Variants in CPEB3 observed in about 807,000 individuals in gnomAD.
The protein encoded by CPEB3 is cytoplasmic polyadenylation element-binding protein 3.
In CPEB3, 20 loss-of-function variants were observed where a neutral mutation model predicts 67.2. That is an observed-to-expected ratio of 0.30 (90% CI 0.21 to 0.43). The LOEUF (loss-of-function observed/expected upper bound fraction) is 0.43. Ranked by LOEUF, CPEB3 falls within the 20% of genes least tolerant of loss-of-function variation. CPEB3 has a pLI of 1.00. For missense variants in CPEB3, 746 were observed against 968.6 expected (o/e 0.77, Z 3.05); for synonymous variants, 376 against 393.1 (o/e 0.96, Z 0.51).
At chr10:92,221,837 G>C (rs1170750064) in intron 2 of CPEB3, among the ~76,000 whole-genome samples, 2 of 152,170 alleles carry the variant, frequency 1.3e-5, no homozygotes, top group Non-Finnish European at 2.9e-5. Context: ...GAGAGAGAGA[G>C]AGAGACATTG....
rs550376080 is a variant in CPEB3 at position 92,071,649 on chromosome 10, C to T, written c.1869+9671G>A. ...ACTCGGGAGGCTGAGGCAAGAGAAT[C>T]GCTTGAACCCAGGCAGCAGAGGTTG... On this transcript the variant is annotated intron_variant, in intron 9 of 9. Coordinates refer to ENST00000265997, the MANE Select transcript of CPEB3 (RefSeq NM_014912.5). 3.3e-5 allele frequency among the ~76,000 whole-genome samples: 5 copies of T among 151,858 alleles called. No individual in the cohort carries two copies. The East Asian group carries it at 5.8e-4, about 18-fold the overall frequency.
At chr10:92,065,648 C>T (rs1290906502) in intron 9 of CPEB3, among the ~76,000 whole-genome samples, 1 of 152,130 alleles carries the variant, frequency 6.6e-6, no homozygotes, top group Admixed American at 6.5e-5. Flanking sequence ...TCTAAGGGAA[C>T]ATAGCACCTC....
intron 1 of CPEB3, among the ~76,000 whole-genome samples, chr10:92,289,907 AGT>A (rs1842762367): frequency 9.2e-6 from 1 of 108,570 alleles, no homozygotes; most frequent in African/African-American, 3.7e-5. Flanking sequence ...CCCTAGGAGG[AGT>A]GTGTGTGTAT....
intron 3 of CPEB3, among the ~76,000 whole-genome samples, chr10:92,188,458 A>T (rs919139529): frequency 2.6e-5 from 4 of 152,006 alleles, no homozygotes; most frequent in African/African-American, 9.7e-5. Context: ...GCAGTGGCTC[A>T]TGCCTGTAAT....
At chr10:92,156,705 A>T (rs1040981804) in intron 4 of CPEB3, among the ~76,000 whole-genome samples, 6 of 152,212 alleles carry the variant, frequency 3.9e-5, no homozygotes, top group African/African-American at 9.6e-5. Context: ...TAACTTTTTT[A>T]AATTTAAAAA....
intron 7 of CPEB3, among the ~76,000 whole-genome samples, chr10:92,093,431 C>CTTATA (rs1843706827): frequency 9.9e-5 from 15 of 152,118 alleles, no homozygotes; most frequent in Non-Finnish European, 2.1e-4. Context: ...AAAGGTAGCA[C>CTTATA]CTGTGGCAAT....
chr10:92,146,113 G>A (rs923166323), intron 4 of CPEB3, among the ~76,000 whole-genome samples: 5 of 151,840 alleles, frequency 3.3e-5, no homozygotes, highest in African/African-American at 4.8e-5. Flanking sequence ...AAAAATATAC[G>A]AAAAGAAATG....
intron 4 of CPEB3, among the ~76,000 whole-genome samples, chr10:92,173,408 A>G (rs1423638357): frequency 6.6e-6 from 1 of 152,194 alleles, no homozygotes; most frequent in Non-Finnish European, 1.5e-5. Context: ...CTTATTGACA[A>G]TATTCAATAT....
At position 92,051,027 on chromosome 10, in the gene CPEB3, A is replaced by T. The variant is rs1841880263; in HGVS notation, c.*1185T>A. 6.6e-6 allele frequency: 1 copy of T among 152,630 alleles called. No individual in the cohort carries two copies. Among genetic ancestry groups the T allele is most frequent in the African/African-American group, 2.4e-5 (1 of 41,436 alleles). 9.5% of individuals were successfully genotyped at this position (152,630 alleles called of 1,614,324 possible). A position where few individuals can be genotyped will look rare whatever the true frequency, so the allele number is the denominator to read the frequency against. On this transcript the variant is annotated 3_prime_UTR_variant, in exon 10 of 10. Transcript: ENST00000265997. ...CATAATCACTTTACTATATAAAATA[A>T]ATTTCACAATATATAACAGAGCACC...
chr10:92,127,538 G>A (rs1209479189), intron 6 of CPEB3, among the ~76,000 whole-genome samples: 1 of 152,104 alleles, frequency 6.6e-6, no homozygotes, highest in Non-Finnish European at 1.5e-5. Flanking sequence ...AATCAGCCAG[G>A]TGTGGTAGCA....
At chr10:92,072,811 C>T (rs1450850571) in intron 9 of CPEB3, among the ~76,000 whole-genome samples, 1 of 152,136 alleles carries the variant, frequency 6.6e-6, no homozygotes, top group African/African-American at 2.4e-5. Context: ...TCTAGGGAGC[C>T]TCTGTTACGC....
intron 6 of CPEB3, among the ~76,000 whole-genome samples, chr10:92,115,738 T>G (rs980160426): frequency 6.6e-6 from 1 of 152,228 alleles, no homozygotes; most frequent in African/African-American, 2.4e-5. Flanking sequence ...TGTTGCGTAA[T>G]TTATACTGAT....
intron 3 of CPEB3, among the ~76,000 whole-genome samples, chr10:92,191,067 A>C (rs1439447809): frequency 1.3e-5 from 2 of 152,152 alleles, no homozygotes; most frequent in Non-Finnish European, 2.9e-5. Context: ...TTGTTCTTCT[A>C]ATTTTCTCCA....
At chr10:92,053,266 T>C (rs1590036420) in intron 9 of CPEB3, among the ~76,000 whole-genome samples, 1 of 152,258 alleles carries the variant, frequency 6.6e-6, no homozygotes, top group South Asian at 2.1e-4. Flanking sequence ...CAAAGCTGCA[T>C]GACTGAAAAC....
At chr10:92,061,345 G>A (rs1207667940) in intron 9 of CPEB3, among the ~76,000 whole-genome samples, 30 of 151,402 alleles carry the variant, frequency 2.0e-4, no homozygotes, top group Admixed American at 6.6e-5. Flanking sequence ...CTTGAACCCG[G>A]GAGGTGGAGG....
intron 1 of CPEB3, among the ~76,000 whole-genome samples, chr10:92,285,024 C>T (rs558043390): frequency 6.6e-6 from 1 of 152,232 alleles, no homozygotes; most frequent in Admixed American, 6.5e-5. Context: ...GATCAAGGGG[C>T]ATAAACTGGT....
At chr10:92,175,932 A>G (rs534059743) in intron 4 of CPEB3, among the ~76,000 whole-genome samples, 5 of 152,194 alleles carry the variant, frequency 3.3e-5, no homozygotes, top group Non-Finnish European at 5.9e-5. Flanking sequence ...TCTACTAAAA[A>G]TACAAAAAAT....
intron 3 of CPEB3, among the ~76,000 whole-genome samples, chr10:92,189,006 T>C (rs1848831059): frequency 6.6e-6 from 1 of 152,206 alleles, no homozygotes; most frequent in Non-Finnish European, 1.5e-5. Context: ...CTTCCTATTC[T>C]GTTATCTCCC....
intron 2 of CPEB3, among the ~76,000 whole-genome samples, chr10:92,208,603 T>C (rs1040735640): frequency 4.0e-5 from 6 of 151,730 alleles, no homozygotes; most frequent in South Asian, 2.1e-4. Flanking sequence ...TTCTTTCTTT[T>C]TTTTTTTTAA....
Sources: allele counts gnomAD v4.1 joint callset (sites outside exome capture counted in the v4.1 genomes callset), GRCh38; gene constraint gnomAD v4.1.1; transcripts MANE v1.5; gene names NCBI Gene and HGNC (gene_info 2026-07-23, HGNC 2026-07-21).